Variants in LINGO2 observed in about 807,000 individuals in gnomAD.
The protein encoded by LINGO2 is leucine rich repeat and Ig domain containing 2.
A neutral mutation model predicts 30.6 loss-of-function variants in LINGO2; 14 were observed. The observed-to-expected ratio is 0.46, with a 90% CI of 0.30 to 0.72. The LOEUF is 0.72. Among genes scored for constraint, LINGO2 ranks in the 30% least tolerant of loss-of-function variants. The pLI is 0.07. For synonymous variants in LINGO2, 317 were observed against 288.5 expected (o/e 1.10, Z -1.00); for missense variants, 729 against 751.7 (o/e 0.97, Z 0.35).
intron 1 of LINGO2, among the ~76,000 whole-genome samples, chr9:28,570,461 T>A (rs1823630747): frequency 6.6e-6 from 1 of 151,936 alleles, no homozygotes; most frequent in Non-Finnish European, 1.5e-5. Flanking sequence ...TTCTCCTTTA[T>A]CTGTCTATGC....
At chr9:28,682,537 A>G in the LINGO2 span, among the ~76,000 whole-genome samples, 1 of 152,060 alleles carries the variant, frequency 6.6e-6, no homozygotes, top group African/African-American at 2.4e-5. Flanking sequence ...CTTTCCTAAG[A>G]CTTTTTTATA....
chr9:28,552,515 AG>A (rs1273779636), intron 1 of LINGO2, among the ~76,000 whole-genome samples: 1 of 151,996 alleles, frequency 6.6e-6, no homozygotes, highest in Non-Finnish European at 1.5e-5. Context: ...CTTTGTATCC[AG>A]GGTACTGACT....
chr9:28,137,251 T>A (rs1827545538), intron 4 of LINGO2, among the ~76,000 whole-genome samples: 1 of 151,534 alleles, frequency 6.6e-6, no homozygotes, highest in Admixed American at 6.6e-5. Flanking sequence ...TAGAGAACCC[T>A]GGCAAATATA....
intron 4 of LINGO2, among the ~76,000 whole-genome samples, chr9:28,251,360 C>T (rs1420779541): frequency 6.6e-6 from 1 of 152,074 alleles, no homozygotes; most frequent in African/African-American, 2.4e-5. Flanking sequence ...AATATGCCTC[C>T]TTTTTGTAAA....
At chr9:28,676,436 C>A in the LINGO2 span, among the ~76,000 whole-genome samples, 2 of 152,070 alleles carry the variant, frequency 1.3e-5, no homozygotes, top group Non-Finnish European at 2.9e-5. Context: ...ATACATGCCA[C>A]CTGAAACATG....
At chr9:28,028,143 T>G (rs935927260) in intron 4 of LINGO2, among the ~76,000 whole-genome samples, 1 of 152,166 alleles carries the variant, frequency 6.6e-6, no homozygotes, top group African/African-American at 2.4e-5. Context: ...GAACTTCTGT[T>G]ATTGACTCTC....
chr9:28,946,950 G>A, the LINGO2 span, among the ~76,000 whole-genome samples: 2 of 152,086 alleles, frequency 1.3e-5, no homozygotes, highest in Non-Finnish European at 1.5e-5. Context: ...GCTACCTAAA[G>A]CAACTAATTC....
chr9:28,986,693 C>A, the LINGO2 span, among the ~76,000 whole-genome samples: 1 of 151,972 alleles, frequency 6.6e-6, no homozygotes, highest in Non-Finnish European at 1.5e-5. Flanking sequence ...GTCAAAAAGG[C>A]ATTTCATACA....
intron 1 of LINGO2, among the ~76,000 whole-genome samples, chr9:28,536,925 G>A (rs1821460285): frequency 6.6e-6 from 1 of 152,006 alleles, no homozygotes; most frequent in Admixed American, 6.6e-5. Flanking sequence ...CATTATACGA[G>A]CTTATTTGAA....
intron 4 of LINGO2, among the ~76,000 whole-genome samples, chr9:28,189,337 AAGGAAGGGAGGAAGGAAGGGAGGGAGGG>A (rs1564028802): frequency 1.2e-4 from 2 of 16,252 alleles, no homozygotes; most frequent in South Asian, 2.9e-3. Flanking sequence ...GGGAGGAAGG[AAGGAAGGGAGGAAGGAAGGGAGGGAGGG>A]AGGAAGGGAG....
chr9:29,160,105 A>T, the LINGO2 span, among the ~76,000 whole-genome samples: 49,297 of 152,152 alleles, frequency 0.32, 9,570 homozygotes, highest in Non-Finnish European at 0.42. Flanking sequence ...TTATTCAAAC[A>T]CAGATTGCTG....
intron 4 of LINGO2, among the ~76,000 whole-genome samples, chr9:28,236,424 CG>C (rs1422880740): frequency 5.3e-5 from 8 of 151,982 alleles, no homozygotes; most frequent in African/African-American, 1.7e-4. Context: ...AAGAAAAACG[CG>C]GAATAGTTTA....
At chr9:28,408,728 C>A (rs1329444083) in intron 2 of LINGO2, among the ~76,000 whole-genome samples, 7 of 149,452 alleles carry the variant, frequency 4.7e-5, no homozygotes, top group Admixed American at 2.7e-4. Context: ...ATGTAACAAA[C>A]CTGCACGTTT....
At chr9:28,033,516 C>T (rs746792672) in intron 4 of LINGO2, among the ~76,000 whole-genome samples, 1 of 152,170 alleles carries the variant, frequency 6.6e-6, no homozygotes, top group Non-Finnish European at 1.5e-5. Flanking sequence ...GGAGAATAAA[C>T]TGCCACGGTA....
intron 3 of LINGO2, among the ~76,000 whole-genome samples, chr9:28,299,396 T>C (rs1339128207): frequency 1.3e-5 from 2 of 152,102 alleles, no homozygotes; most frequent in African/African-American, 2.4e-5. Context: ...GTCAGTAATT[T>C]TAGGGAAAGG....
At chr9:28,692,107 GTATTTGCACTATGA>G in the LINGO2 span, among the ~76,000 whole-genome samples, 19 of 152,120 alleles carry the variant, frequency 1.2e-4, no homozygotes, top group African/African-American at 4.3e-4. Context: ...ATGGTAATTG[GTATTTGCACTATGA>G]TATTCTCATA....
At chr9:29,015,858 G>A in the LINGO2 span, among the ~76,000 whole-genome samples, 1 of 152,054 alleles carries the variant, frequency 6.6e-6, no homozygotes, top group East Asian at 1.9e-4. Flanking sequence ...TCTCTACTCA[G>A]TCTAGAATCT....
chr9:28,071,412 AC>A (rs1184332388), intron 4 of LINGO2, among the ~76,000 whole-genome samples: 2 of 152,170 alleles, frequency 1.3e-5, no homozygotes, highest in East Asian at 1.9e-4. Context: ...TACTGTTGGT[AC>A]CTTTTCAATC....
intron 1 of LINGO2, among the ~76,000 whole-genome samples, chr9:28,590,837 T>C (rs1391594325): frequency 2.0e-5 from 3 of 152,188 alleles, no homozygotes; most frequent in Non-Finnish European, 4.4e-5. Flanking sequence ...TAAATCATGC[T>C]GCTATAAAGA....
Sources: gnomAD v4.1 joint callset for allele counts (sites outside exome capture counted in the v4.1 genomes callset) on GRCh38, gnomAD v4.1.1 for gene constraint, MANE v1.5 for transcripts, NCBI Gene and HGNC (gene_info 2026-07-23, HGNC 2026-07-21) for gene names.